The following RAI1 variants were observed in gnomAD, a reference collection of about 807,000 sequenced individuals.
The protein encoded by RAI1 is retinoic acid induced 1, also known as retinoic acid-induced protein 1.
Under a neutral mutation model 123.8 loss-of-function variants are expected in RAI1, and 9 were observed. The ratio of observed to expected loss-of-function variants is 0.07; its 90% CI spans 0.04 to 0.13. The LOEUF (loss-of-function observed/expected upper bound fraction) is 0.13, where lower values mean the gene tolerates loss of function less well. Among genes scored for constraint, RAI1 ranks in the 10% least tolerant of loss-of-function variants. RAI1 has a pLI of 1.00. For synonymous variants in RAI1, 1,231 were observed against 1,127.3 expected (o/e 1.09, Z -1.84); for missense variants, 2,256 against 2,545.8 (o/e 0.89, Z 2.45).
chr17:17,783,795 A>G (rs1438752999), intron 2 of RAI1, among the ~76,000 whole-genome samples: 1 of 151,786 alleles, frequency 6.6e-6, no homozygotes, highest in Non-Finnish European at 1.5e-5. Flanking sequence ...GGGGGCGGAA[A>G]GGGTTAATGG....
chr17:17,786,373 G>A (rs1327375285), intron 2 of RAI1, among the ~76,000 whole-genome samples: 7 of 152,236 alleles, frequency 4.6e-5, no homozygotes, highest in African/African-American at 1.7e-4. Context: ...TCTGGACAAT[G>A]GGGAGTAGCT....
chr17:17,698,167 C>T (rs1241777028), intron 1 of RAI1, among the ~76,000 whole-genome samples: 1 of 152,186 alleles, frequency 6.6e-6, no homozygotes, highest in Non-Finnish European at 1.5e-5. Context: ...TGTGGGGTGA[C>T]CCTGCTCCTC....
intron 1 of RAI1, among the ~76,000 whole-genome samples, chr17:17,711,127 G>A (rs989989938): frequency 2.6e-5 from 4 of 152,314 alleles, no homozygotes; most frequent in Admixed American, 6.5e-5. Context: ...GTAGGGAGGC[G>A]GGGCTGAGCC....
Position 17,800,837 on chromosome 17 carries a change from C to A in RAI1, c.5565+2324C>A, listed in dbSNP as rs1012965483. Among the ~76,000 whole-genome samples the A allele has an allele frequency of 6.6e-6, 1 of 152,258 alleles. No homozygotes were observed. The highest frequency in any genetic ancestry group is 2.1e-4 in the South Asian group (1 of 4,836). Reference sequence around the variant, plus strand: ...TCCTGCCTCAGTGGCTTGGGGGCGCCATGCTCCTTGGAGTGAGACCCTGGT... The same window carrying A: ...TCCTGCCTCAGTGGCTTGGGGGCGCAATGCTCCTTGGAGTGAGACCCTGGT... On this transcript the variant is annotated intron_variant, in intron 3 of 5. Transcript: ENST00000353383. This position sits in a 1 kb window ranked among gnomAD's most constrained non-coding sequence, Gnocchi z 4.7.
chr17:17,735,512 C>T (rs573370010), intron 2 of RAI1, among the ~76,000 whole-genome samples: 170 of 151,944 alleles, frequency 1.1e-3, no homozygotes, highest in Middle Eastern at 6.8e-3. Flanking sequence ...CGCCACCACG[C>T]CCGGCTGATT....
At chr17:17,699,631 G>GGC in intron 1 of RAI1, among the ~76,000 whole-genome samples, 1 of 129,842 alleles carries the variant, frequency 7.7e-6, no homozygotes, top group Non-Finnish European at 1.6e-5. Flanking sequence ...CGGGGGGCCG[G>GGC]GGGGGGGGGA....
intron 1 of RAI1, among the ~76,000 whole-genome samples, chr17:17,717,538 C>T (rs1354378054): frequency 1.3e-5 from 2 of 152,080 alleles, no homozygotes; most frequent in East Asian, 3.9e-4. Flanking sequence ...AACCCTGTGG[C>T]TCTATAACCC....
At chr17:17,798,560 A>ACAGG (rs752393805) in intron 3 of RAI1, 47 bp downstream of exon 3, 13 of 1,594,584 alleles carry the variant, frequency 8.2e-6, no homozygotes, top group Non-Finnish European at 1.0e-5. Flanking sequence ...GTTCCAAAGG[A>ACAGG]CAGGCAGGCA....
chr17:17,795,360 C>T lies in RAI1; in HGVS notation c.2412C>T (p.Ala804=). 1 of 1,596,844 alleles carries T rather than the reference C, an allele frequency of 6.3e-7. No individual in the cohort carries two copies. Among genetic ancestry groups the T allele is most frequent in the Non-Finnish European group, 8.6e-7 (1 of 1,169,330 alleles). The change falls in exon 3 of 6, where the codon GCC becomes GCT. Residue 804 remains alanine (A), a synonymous_variant. Coordinates refer to ENST00000353383, the MANE Select transcript of RAI1 (RefSeq NM_030665.4). The surrounding 1 kb of genome is among the most constrained non-coding windows in gnomAD (Gnocchi z 5.9). ...AGGACCCCCCTGGGGAGAAGGTGGCCTCGTTGCCCGGGGACTTCAAGCAGG... is the reference window on the plus strand; with the variant it reads ...AGGACCCCCCTGGGGAGAAGGTGGCTTCGTTGCCCGGGGACTTCAAGCAGG... ...QEEDPPGEKV[A]SLPGDFKQEE...
Position 17,795,920 on chromosome 17 carries a change from C to T in RAI1, c.2972C>T (p.Pro991Leu), listed in dbSNP as rs1457802718. 1 of 1,610,182 alleles carries T rather than the reference C, an allele frequency of 6.2e-7. No homozygotes were observed. Among genetic ancestry groups the T allele is most frequent in the Non-Finnish European group, 8.5e-7 (1 of 1,179,622 alleles). The change falls in exon 3 of 6, where the codon CCT becomes CTT. Residue 991 changes from proline to leucine, a missense_variant. Around this residue, in one of 7 missense-constraint regions of RAI1, gnomAD observed 566 missense variants for 616.0 expected, o/e 0.92. Transcript: ENST00000353383. The surrounding 1 kb of genome is among the most constrained non-coding windows in gnomAD (Gnocchi z 5.9). Reference protein sequence around the residue: ...VPEAPIAKKEPVPRGKSLRSR... With the variant: ...VPEAPIAKKELVPRGKSLRSR... ...GAGGCGCCCATCGCAAAGAAAGAGCCTGTGCCACGGGGCAAAAGCTTACGG... is the reference window on the plus strand; with the variant it reads ...GAGGCGCCCATCGCAAAGAAAGAGCTTGTGCCACGGGGCAAAAGCTTACGG...
intron 2 of RAI1, among the ~76,000 whole-genome samples, chr17:17,787,087 C>T (rs1250677855): frequency 6.6e-6 from 1 of 152,202 alleles, no homozygotes; most frequent in Non-Finnish European, 1.5e-5. Flanking sequence ...CACACCTAGC[C>T]TATCTCATCC....
chr17:17,702,673 C>G (rs1915262335), intron 1 of RAI1, among the ~76,000 whole-genome samples: 1 of 152,208 alleles, frequency 6.6e-6, no homozygotes, highest in Admixed American at 6.5e-5. Flanking sequence ...TCTGCCCTTG[C>G]TCTGGTCAAG....
At chr17:17,718,002 T>C (rs1411272997) in intron 1 of RAI1, among the ~76,000 whole-genome samples, 1 of 152,108 alleles carries the variant, frequency 6.6e-6, no homozygotes, top group Non-Finnish European at 1.5e-5. Flanking sequence ...CAGGGAAAAC[T>C]ACAGACAGAA....
intron 1 of RAI1, among the ~76,000 whole-genome samples, chr17:17,711,292 C>G (rs999534821): frequency 2.6e-5 from 4 of 152,216 alleles, no homozygotes; most frequent in Non-Finnish European, 5.9e-5. Flanking sequence ...AGCACCCGTC[C>G]CCCATGATTT....
At chr17:17,688,627 G>A (rs760555036) in intron 1 of RAI1, among the ~76,000 whole-genome samples, 116 of 152,224 alleles carry the variant, frequency 7.6e-4, no homozygotes, top group Non-Finnish European at 1.2e-3. Flanking sequence ...ATGGAGTCTC[G>A]CTCTGTCGCC....
chr17:17,694,835 C>CGGGGT (rs1387579806), intron 1 of RAI1, among the ~76,000 whole-genome samples: 1 of 151,214 alleles, frequency 6.6e-6, no homozygotes, highest in African/African-American at 2.4e-5. Context: ...CGGGGCGGGG[C>CGGGGT]GGGGTGCTGA....
rs1032678504 is a variant in RAI1 at position 17,714,536 on chromosome 17, G to T, written c.-148-9492G>T. The stretch of plus-strand genomic sequence containing the variant: ...GCTTGTGGCGTGGCCAACTCTGAGT[G>T]ACGTTTATGCACTCATTTCTATTTA... On this transcript the variant is annotated intron_variant, in intron 1 of 5. Coordinates refer to ENST00000353383, the MANE Select transcript of RAI1 (RefSeq NM_030665.4). This position sits in a 1 kb window ranked among gnomAD's most constrained non-coding sequence, Gnocchi z 4.9. 6.6e-6 allele frequency among the ~76,000 whole-genome samples: 1 copy of T among 152,220 alleles called. No individual in the cohort carries two copies. Among genetic ancestry groups the T allele is most frequent in the Non-Finnish European group, 1.5e-5 (1 of 68,050 alleles).
chr17:17,784,461 C>T (rs914125371), intron 2 of RAI1, among the ~76,000 whole-genome samples: 6 of 152,378 alleles, frequency 3.9e-5, no homozygotes, highest in African/African-American at 1.4e-4. Flanking sequence ...CGGATCTCAG[C>T]CCTGCTGGGC....
chr17:17,761,250 CTTT>C (rs56047340), intron 2 of RAI1, among the ~76,000 whole-genome samples: 13 of 145,912 alleles, frequency 8.9e-5, no homozygotes, highest in Admixed American at 6.8e-5. Flanking sequence ...TCTTCTAAGG[CTTT>C]TTTTTTTTTT....
Sources: gnomAD v4.1 joint callset for allele counts (sites outside exome capture counted in the v4.1 genomes callset) on GRCh38, gnomAD v4.1.1 for gene constraint, gnomAD v4.1.1 regional missense constraint, Gnocchi (gnomAD v3.1) non-coding constraint, MANE v1.5 for transcripts, NCBI Gene and HGNC (gene_info 2026-07-23, HGNC 2026-07-21) for gene names.